Variants in SWT1 observed in about 807,000 individuals in gnomAD.
SWT1 encodes the protein transcriptional protein SWT1.
A neutral mutation model predicts 107.3 loss-of-function variants in SWT1; 33 were observed. The observed-to-expected ratio is 0.31, with a 90% CI of 0.23 to 0.41. The LOEUF is 0.41. SWT1 is among the 10% of genes least tolerant of loss of function. The pLI is 1.00. For missense variants in SWT1, 898 were observed against 1,028.9 expected, an observed-to-expected ratio of 0.87 and a Z score of 1.74; for synonymous variants, 345 against 348.3, an observed-to-expected ratio of 0.99 and a Z score of 0.11.
chr1:185,278,671 C>T (rs1423589333), intron 18 of SWT1, among the ~76,000 whole-genome samples: 13 of 152,214 alleles, frequency 8.5e-5, no homozygotes, highest in African/African-American at 2.9e-4. Context: ...TGTTGTAACA[C>T]GACATGTGCA....
At chr1:185,226,886 C>T (rs1331503809) in intron 15 of SWT1, 21 of 1,430,496 alleles carry the variant, frequency 1.5e-5, no homozygotes, top group Non-Finnish European at 2.0e-5. Context: ...GAGCAATGGA[C>T]ATTTTGGGAC....
At chr1:185,248,612 G>A (rs528779108) in intron 16 of SWT1, among the ~76,000 whole-genome samples, 8 of 152,110 alleles carry the variant, frequency 5.3e-5, no homozygotes, top group African/African-American at 1.9e-4. Context: ...CTGGGGTGAT[G>A]GTTCCTGCTG....
intron 16 of SWT1, among the ~76,000 whole-genome samples, chr1:185,256,456 A>G (rs1662530749): frequency 6.6e-6 from 1 of 151,182 alleles, no homozygotes; most frequent in South Asian, 2.1e-4. Context: ...ATAGTCCCAT[A>G]TTTCCTGGAG....
intron 18 of SWT1, among the ~76,000 whole-genome samples, chr1:185,279,843 A>G (rs1486771469): frequency 6.6e-6 from 1 of 151,962 alleles, no homozygotes; most frequent in Non-Finnish European, 1.5e-5. Context: ...CCCTTTGGGA[A>G]TATGAAGGAC....
intron 18 of SWT1, among the ~76,000 whole-genome samples, chr1:185,280,326 A>T (rs948307428): frequency 6.6e-5 from 10 of 152,120 alleles, no homozygotes; most frequent in African/African-American, 2.4e-4. Context: ...TCTTTCCTTT[A>T]TAAATTACCC....
intron 16 of SWT1, among the ~76,000 whole-genome samples, chr1:185,251,620 T>G (rs1662026591): frequency 6.6e-6 from 1 of 152,120 alleles, no homozygotes; most frequent in Admixed American, 6.5e-5. Flanking sequence ...ACTTTCTGCC[T>G]AAAAGTTTGT....
At chr1:185,208,178 C>G (rs1469766073) in intron 13 of SWT1, among the ~76,000 whole-genome samples, 2 of 151,992 alleles carry the variant, frequency 1.3e-5, no homozygotes, top group Non-Finnish European at 2.9e-5. Flanking sequence ...TATTGCAGCA[C>G]TTGAGCCCAG....
At position 185,202,777 on chromosome 1, in the gene SWT1, T is replaced by A; in HGVS notation, c.1647T>A (p.Ile549=). The A allele has an allele frequency of 1.3e-6, 2 of 1,562,650 alleles. No individual in the cohort carries two copies. The highest frequency in any genetic ancestry group is 1.7e-6 in the Non-Finnish European group (2 of 1,153,378). Residue 549 remains isoleucine, a synonymous_variant, in exon 11 of 19, where the codon ATT becomes ATA. Transcript: ENST00000367500. ...CAGATGTGTGTCATCAGCCTTGTATTCCTAAGCAACAGTTGAAAGCAGGTA... is the reference window on the plus strand; with the variant it reads ...CAGATGTGTGTCATCAGCCTTGTATACCTAAGCAACAGTTGAAAGCAGGTA... ...LNTDVCHQPC[I]PKQQLKAETT... is the part of the protein sequence containing the mutation.
chr1:185,212,016 T>C (rs1026416864), intron 13 of SWT1, among the ~76,000 whole-genome samples: 2 of 147,186 alleles, frequency 1.4e-5, no homozygotes, highest in African/African-American at 5.1e-5. Context: ...TGAGAACACG[T>C]GGACACAGGA....
At chr1:185,204,986 T>C (rs1305889097) in intron 12 of SWT1, 123 bp downstream of exon 12, 2 of 577,338 alleles carry the variant, frequency 3.5e-6, no homozygotes, top group East Asian at 6.8e-5. Context: ...ATGTTACATT[T>C]TTCTTCAAGT....
chr1:185,184,972 G>A (rs368073753), intron 9 of SWT1, 41 bp downstream of exon 9: 31 of 1,332,648 alleles, frequency 2.3e-5, no homozygotes, highest in Non-Finnish European at 3.0e-5. Flanking sequence ...ATTAATACTT[G>A]TTTGGGTGCA....
At chr1:185,197,091 G>A (rs983486396) in intron 10 of SWT1, among the ~76,000 whole-genome samples, 1 of 152,124 alleles carries the variant, frequency 6.6e-6, no homozygotes, top group African/African-American at 2.4e-5. Flanking sequence ...CTGTGGGTTT[G>A]TCATAAATAG....
chr1:185,175,412 A>C (rs1655460008), intron 5 of SWT1, among the ~76,000 whole-genome samples: 1 of 151,946 alleles, frequency 6.6e-6, no homozygotes, highest in South Asian at 2.1e-4. Flanking sequence ...TTTTTTGCAG[A>C]GATGAGGTTT....
chr1:185,262,563 G>A (rs1253930640), intron 16 of SWT1: 1 of 152,206 alleles, frequency 6.6e-6, no homozygotes, highest in African/African-American at 2.4e-5. Flanking sequence ...ATGTTAGTTA[G>A]CTAGAGCCAC....
At chr1:185,185,986 A>G (rs188829438) in intron 9 of SWT1, among the ~76,000 whole-genome samples, 204 of 152,274 alleles carry the variant, frequency 1.3e-3, no homozygotes, top group African/African-American at 4.6e-3. Context: ...GTATTGATCT[A>G]TTATAGTGAG....
At chr1:185,205,461 C>G (rs1658258562) in intron 12 of SWT1, among the ~76,000 whole-genome samples, 1 of 152,156 alleles carries the variant, frequency 6.6e-6, no homozygotes, top group South Asian at 2.1e-4. Flanking sequence ...CTCCGCCTCC[C>G]AGATTCAAGT....
At chr1:185,191,576 A>G (rs1034448177) in intron 10 of SWT1, among the ~76,000 whole-genome samples, 5 of 152,186 alleles carry the variant, frequency 3.3e-5, no homozygotes, top group African/African-American at 7.2e-5. Flanking sequence ...TATTTTAGCT[A>G]TCTTCAAAGA....
At chr1:185,201,797 A>G (rs532731325) in intron 10 of SWT1, among the ~76,000 whole-genome samples, 29 of 152,168 alleles carry the variant, frequency 1.9e-4, no homozygotes, top group African/African-American at 7.0e-4. Flanking sequence ...AGCCACTAAT[A>G]CTTGTCACAC....
At chr1:185,265,405 C>A (rs1007444102) in intron 16 of SWT1, among the ~76,000 whole-genome samples, 20 of 152,144 alleles carry the variant, frequency 1.3e-4, no homozygotes, top group Non-Finnish European at 2.4e-4. Context: ...TAATCCCCCC[C>A]AAACGTGCTC....
Sources: allele counts gnomAD v4.1 joint callset (sites outside exome capture counted in the v4.1 genomes callset), GRCh38; gene constraint gnomAD v4.1.1; transcripts MANE v1.5; gene names NCBI Gene and HGNC (gene_info 2026-07-23, HGNC 2026-07-21).